Variants in PDZD2 observed in about 807,000 individuals in gnomAD.
The protein encoded by PDZD2 is PDZ domain containing 2, also known as PDZ domain-containing protein 2.
Under a neutral mutation model 220.7 loss-of-function variants are expected in PDZD2, and 90 were observed. The ratio of observed to expected loss-of-function variants is 0.41; its 90% CI spans 0.34 to 0.49. The LOEUF is 0.49. Ranked by LOEUF, PDZD2 falls within the 20% of genes least tolerant of loss-of-function variation. PDZD2 has a pLI of 0.28. For synonymous variants in PDZD2, 1,375 were observed against 1,450.5 expected (o/e 0.95, Z 1.18); for missense variants, 3,174 against 3,608.5 (o/e 0.88, Z 3.08).
chr5:32,060,942 T>C, intron 13 of PDZD2, 60 bp from the exon 14 acceptor site: 2 of 1,556,968 alleles, frequency 1.3e-6, no homozygotes, highest in South Asian at 2.2e-5. Context: ...GCAAGAAGGC[T>C]ATTTTAGCTT....
At chr5:31,739,725 G>T (rs1036443559) in intron 1 of PDZD2, among the ~76,000 whole-genome samples, 1 of 152,170 alleles carries the variant, frequency 6.6e-6, no homozygotes. Context: ...ATTATCAAAT[G>T]AAGAAACATG....
chr5:31,722,035 A>G (rs1748836512), intron 1 of PDZD2, among the ~76,000 whole-genome samples: 1 of 151,910 alleles, frequency 6.6e-6, no homozygotes, highest in African/African-American at 2.4e-5. Flanking sequence ...GCTCAACATC[A>G]TCTTGAATGT....
chr5:31,758,448 G>A lies in PDZD2; in HGVS notation c.-360-40441G>A, dbSNP rs369906018. Among the ~76,000 whole-genome samples, 6 of 152,292 alleles carry A rather than the reference G, an allele frequency of 3.9e-5. No homozygotes were observed. In the East Asian group the frequency reaches 7.7e-4, roughly 20 times the overall value. On this transcript the variant is annotated intron_variant, in intron 1 of 24. Coordinates refer to ENST00000438447, the MANE Select transcript of PDZD2 (RefSeq NM_178140.4). Reference sequence around the variant, plus strand: ...CTGGAAATGGACCACAAAGGAGCACGTCCAGGCCCTACCCTGGGGGACAGA... The same window carrying A: ...CTGGAAATGGACCACAAAGGAGCACATCCAGGCCCTACCCTGGGGGACAGA...
At chr5:31,794,058 C>G (rs753362593) in intron 1 of PDZD2, among the ~76,000 whole-genome samples, 2 of 152,066 alleles carry the variant, frequency 1.3e-5, no homozygotes, top group African/African-American at 4.8e-5. Context: ...TTTTAGTTTT[C>G]AGCAAGTTAC....
chr5:31,686,101 G>T (rs897328518), intron 1 of PDZD2, among the ~76,000 whole-genome samples: 2 of 151,708 alleles, frequency 1.3e-5, no homozygotes, highest in African/African-American at 4.8e-5. Flanking sequence ...TACCCAGGTA[G>T]TAGTCCCAGC....
intron 1 of PDZD2, among the ~76,000 whole-genome samples, chr5:31,739,003 A>G (rs528421064): frequency 2.0e-5 from 3 of 151,980 alleles, no homozygotes; most frequent in Non-Finnish European, 4.4e-5. Context: ...CTCCTGCCTC[A>G]GCCTCCTGAG....
intron 2 of PDZD2, among the ~76,000 whole-genome samples, chr5:31,942,225 CT>C (rs1234158367): frequency 2.0e-5 from 3 of 152,140 alleles, no homozygotes; most frequent in Non-Finnish European, 2.9e-5. Flanking sequence ...ATGATTAGCC[CT>C]GGAACCAAGA....
chr5:31,817,568 G>A (rs143278419), intron 2 of PDZD2, among the ~76,000 whole-genome samples: 117 of 152,204 alleles, frequency 7.7e-4, no homozygotes, highest in African/African-American at 2.6e-3. Context: ...ATCCCAAAAT[G>A]TTAAACCAAG....
At chr5:31,857,454 T>C (rs552457440) in intron 2 of PDZD2, among the ~76,000 whole-genome samples, 1 of 152,330 alleles carries the variant, frequency 6.6e-6, no homozygotes, top group African/African-American at 2.4e-5. Flanking sequence ...AAAGAGGACA[T>C]GGGAGGCAAG....
At chr5:31,913,879 G>C (rs1263683153) in intron 2 of PDZD2, among the ~76,000 whole-genome samples, 1 of 152,086 alleles carries the variant, frequency 6.6e-6, no homozygotes, top group African/African-American at 2.4e-5. Flanking sequence ...TTTTCCTTCA[G>C]GTTCATTTAG....
At chr5:32,104,840 T>G (rs1744608274) in intron 24 of PDZD2, among the ~76,000 whole-genome samples, 1 of 151,482 alleles carries the variant, frequency 6.6e-6, no homozygotes, top group Non-Finnish European at 1.5e-5. Context: ...AACAAAGGGT[T>G]GATATCCAGA....
intron 1 of PDZD2, among the ~76,000 whole-genome samples, chr5:31,770,263 A>G (rs750957187): frequency 3.1e-4 from 47 of 152,306 alleles, no homozygotes; most frequent in Middle Eastern, 3.4e-3. Context: ...CACCATCCTC[A>G]CACACTCGGG....
At chr5:31,891,386 G>A (rs560677361) in intron 2 of PDZD2, among the ~76,000 whole-genome samples, 1 of 151,598 alleles carries the variant, frequency 6.6e-6, no homozygotes, top group South Asian at 2.1e-4. Flanking sequence ...GCATGGTCTC[G>A]GCTCACCGCA....
At chr5:31,775,663 G>T (rs927239704) in intron 1 of PDZD2, among the ~76,000 whole-genome samples, 1 of 137,290 alleles carries the variant, frequency 7.3e-6, no homozygotes, top group South Asian at 2.5e-4. Context: ...CACTCACAGA[G>T]CGTGTGTGTG....
intron 1 of PDZD2, among the ~76,000 whole-genome samples, chr5:31,689,351 A>ATTTTTTTTTTC (rs1288275783): frequency 7.1e-5 from 2 of 28,186 alleles, no homozygotes; most frequent in Non-Finnish European, 1.1e-4. Context: ...ATATATATAT[A>ATTTTTTTTTTC]TATTTTTTTT....
At position 32,110,557 on chromosome 5, in the gene PDZD2, A is replaced by ATTGTT. The variant is rs1375105785; in HGVS notation, c.*2424_*2428dup. The ATTGTT allele has an allele frequency of 6.5e-6, 1 of 152,704 alleles. No homozygotes were observed. Among genetic ancestry groups the ATTGTT allele is most frequent in the South Asian group, 2.1e-4 (1 of 4,830 alleles). The allele number at this position is 152,704 out of a possible 1,614,324, so 9.5% of individuals were successfully genotyped here. A position where few individuals can be genotyped will look rare whatever the true frequency, so the allele number is the denominator to read the frequency against. ...ATGGTATTGTCCTACTAAAACTGTC[A>ATTGTT]TTGTTTCTTTTTTTTTAACTGGTCA... On this transcript the variant is annotated 3_prime_UTR_variant, in exon 25 of 25. Coordinates refer to ENST00000438447, the MANE Select transcript of PDZD2 (RefSeq NM_178140.4).
chr5:32,001,423 C>A (rs939238169), intron 5 of PDZD2, among the ~76,000 whole-genome samples: 8 of 151,794 alleles, frequency 5.3e-5, no homozygotes, highest in Non-Finnish European at 2.9e-5. Flanking sequence ...GTTTGCCCAG[C>A]CAATTTACAA....
intron 1 of PDZD2, among the ~76,000 whole-genome samples, chr5:31,712,437 G>A (rs1038376522): frequency 2.1e-5 from 3 of 144,800 alleles, no homozygotes; most frequent in Admixed American, 7.1e-5. Context: ...GGGGCACTGG[G>A]ATGGCTGGGC....
intron 2 of PDZD2, chr5:31,848,132 C>G (rs1475456340): frequency 3.3e-6 from 1 of 302,892 alleles, no homozygotes; most frequent in African/African-American, 2.2e-5. Flanking sequence ...CCTCAGAGCT[C>G]AGGAGCGGGC....
Sources: gnomAD v4.1 joint callset for allele counts (sites outside exome capture counted in the v4.1 genomes callset) on GRCh38, gnomAD v4.1.1 for gene constraint, MANE v1.5 for transcripts, NCBI Gene and HGNC (gene_info 2026-07-23, HGNC 2026-07-21) for gene names.